Variants in NAA11 observed in about 807,000 individuals in gnomAD.
The protein encoded by NAA11 is N-alpha-acetyltransferase 11, NatA catalytic subunit.
In NAA11, 15 loss-of-function variants were observed where a neutral mutation model predicts 16.1. The observed-to-expected ratio is 0.93, with a 90% CI of 0.62 to 1.44. The LOEUF is 1.44. Ranked by LOEUF, NAA11 falls within the 40% of genes most tolerant of loss-of-function variation. The pLI is 0.00. For missense variants in NAA11, 298 were observed against 291.3 expected, an observed-to-expected ratio of 1.02 and a Z score of -0.17; for synonymous variants, 122 against 112.4, an observed-to-expected ratio of 1.09 and a Z score of -0.54.
chr4:79,198,024 CCTTT>C, the NAA11 span, among the ~76,000 whole-genome samples: 4 of 151,778 alleles, frequency 2.6e-5, no homozygotes, highest in Non-Finnish European at 5.9e-5. Flanking sequence ...GTAAATATGC[CCTTT>C]CTTTATTTGG....
the NAA11 span, among the ~76,000 whole-genome samples, chr4:79,182,762 A>G: frequency 6.6e-6 from 1 of 152,194 alleles, no homozygotes; most frequent in African/African-American, 2.4e-5. Flanking sequence ...CTTTATACGG[A>G]CAGACACGTA....
In NAA11 at chr4:79,234,320, C is replaced by G. The variant is rs572606832; in HGVS notation, c.*123-8050G>C. 5.9e-5 allele frequency among the ~76,000 whole-genome samples: 9 copies of G among 152,142 alleles called. No individual in the cohort carries two copies. In the South Asian group the frequency reaches 1.7e-3, roughly 28 times the overall value. On this transcript the variant is annotated intron_variant and NMD_transcript_variant, in intron 2 of 2. Coordinates refer to the NAA11 transcript ENST00000511542. The stretch of plus-strand genomic sequence containing the variant: ...TCTTGTAAGCAGCCATCAATTTGCC[C>G]CTTGGCACATTCTCAAGAAGTTCAG...
At chr4:79,282,947 A>G (rs114393110) in intron 2 of NAA11, among the ~76,000 whole-genome samples, 2,062 of 152,238 alleles carry the variant, frequency 0.014, 47 homozygotes, top group African/African-American at 0.04. Flanking sequence ...AGGAATGGCC[A>G]GTAAGGATGG....
At chr4:79,196,164 G>A in the NAA11 span, among the ~76,000 whole-genome samples, 1 of 151,852 alleles carries the variant, frequency 6.6e-6, no homozygotes, top group Admixed American at 6.6e-5. Flanking sequence ...TCTCTACATG[G>A]CTTGTGCCCC....
At chr4:79,204,919 TGGTGTGTATACACACACACACACAC>T in the NAA11 span, among the ~76,000 whole-genome samples, 2 of 63,916 alleles carry the variant, frequency 3.1e-5, no homozygotes, top group African/African-American at 1.0e-4. Context: ...TAATATTCCA[TGGTGTGTATACACACACACACACAC>T]ACACACACAC....
the NAA11 span, among the ~76,000 whole-genome samples, chr4:79,160,428 A>G: frequency 6.6e-6 from 1 of 152,190 alleles, no homozygotes; most frequent in Admixed American, 6.5e-5. Flanking sequence ...TAACTTTTTG[A>G]GAAGCTGTCA....
chr4:79,197,553 T>C, the NAA11 span: 1 of 151,988 alleles, frequency 6.6e-6, no homozygotes, highest in Non-Finnish European at 1.5e-5. Flanking sequence ...GCCATGCTAT[T>C]GCTTTAGAGA....
rs1578196029 is a variant in NAA11, at chr4:79,317,630, C to T, written c.*174G>A. ...TGGCTCTTGTGTCCAGGTATTCCTT[C>T]ATGATCCCAGCAGGATATGTGAAAG... On this transcript the variant is annotated 3_prime_UTR_variant, in exon 2 of 2. Coordinates refer to ENST00000286794, the MANE Select transcript of NAA11 (RefSeq NM_032693.3). 1 of 152,336 alleles carries T rather than the reference C, an allele frequency of 6.6e-6. No homozygotes were observed. Among genetic ancestry groups the T allele is most frequent in the Non-Finnish European group, 1.5e-5 (1 of 68,088 alleles). The allele number at this position is 152,336 out of a possible 1,614,324, so 9.4% of individuals were successfully genotyped here.
chr4:79,324,788 C>T (rs1251623184), intron 1 of NAA11, among the ~76,000 whole-genome samples: 3 of 152,150 alleles, frequency 2.0e-5, no homozygotes, highest in Non-Finnish European at 4.4e-5. Context: ...TGACTCTTGG[C>T]TGGGTCCATT....
At chr4:79,300,719 AGT>A (rs764960381) in intron 1 of NAA11, among the ~76,000 whole-genome samples, 1 of 152,158 alleles carries the variant, frequency 6.6e-6, no homozygotes, top group African/African-American at 2.4e-5. Flanking sequence ...AGGTTATTTA[AGT>A]GTGTGTGTGT....
the NAA11 span, among the ~76,000 whole-genome samples, chr4:79,165,748 G>C: frequency 6.6e-6 from 1 of 152,194 alleles, no homozygotes; most frequent in Non-Finnish European, 1.5e-5. Flanking sequence ...TTCTGCAGAG[G>C]TAAAGGTTTT....
At chr4:79,189,339 A>G in the NAA11 span, among the ~76,000 whole-genome samples, 2 of 151,924 alleles carry the variant, frequency 1.3e-5, no homozygotes, top group African/African-American at 4.8e-5. Context: ...GGAAAGAACA[A>G]TGTTGGGGTG....
chr4:79,261,177 G>GTTA (rs940234761), intron 2 of NAA11, among the ~76,000 whole-genome samples: 2 of 152,146 alleles, frequency 1.3e-5, no homozygotes, highest in Admixed American at 6.5e-5. Flanking sequence ...GAATAGCCTA[G>GTTA]TTATTATTAT....
At chr4:79,191,896 A>G in the NAA11 span, among the ~76,000 whole-genome samples, 14 of 152,234 alleles carry the variant, frequency 9.2e-5, no homozygotes, top group Non-Finnish European at 1.9e-4. Context: ...AATCTTCTGC[A>G]TATGGCTAGC....
the NAA11 span, among the ~76,000 whole-genome samples, chr4:79,175,673 C>A: frequency 6.7e-6 from 1 of 150,326 alleles, no homozygotes; most frequent in South Asian, 2.1e-4. Context: ...ACATGGAGAC[C>A]TTGAAGCCGG....
intron 2 of NAA11, among the ~76,000 whole-genome samples, chr4:79,253,494 C>A (rs562784292): frequency 6.6e-6 from 1 of 151,810 alleles, no homozygotes; most frequent in Non-Finnish European, 1.5e-5. Flanking sequence ...CAGAAACCAG[C>A]AAAGAAGATT....
chr4:79,274,085 G>C (rs1560440695), intron 2 of NAA11, among the ~76,000 whole-genome samples: 1 of 152,030 alleles, frequency 6.6e-6, no homozygotes, highest in Non-Finnish European at 1.5e-5. Context: ...GTGACCAGGT[G>C]GGGTGTGTTA....
the NAA11 span, among the ~76,000 whole-genome samples, chr4:79,164,284 A>G: frequency 2.0e-5 from 3 of 152,190 alleles, no homozygotes; most frequent in Admixed American, 6.5e-5. Flanking sequence ...CAGAGACCAA[A>G]TGTTCATTTT....
chr4:79,161,066 C>G, the NAA11 span, among the ~76,000 whole-genome samples: 2 of 152,170 alleles, frequency 1.3e-5, no homozygotes, highest in Admixed American at 1.3e-4. Context: ...ATACTTTTAG[C>G]TCTTACATTT....
Sources: allele counts gnomAD v4.1 joint callset (sites outside exome capture counted in the v4.1 genomes callset), GRCh38; gene constraint gnomAD v4.1.1; transcripts MANE v1.5; gene names NCBI Gene and HGNC (gene_info 2026-07-23, HGNC 2026-07-21).